DNAH2: variants seen among roughly 807,000 people sequenced by gnomAD.
DNAH2 encodes the protein axonemal beta dynein heavy chain 2.
DNAH2 carries 323 observed loss-of-function variants against 523.5 expected under a neutral mutation model. The observed-to-expected ratio is 0.62, with a 90% CI of 0.56 to 0.68. The LOEUF is 0.68. Among genes scored for constraint, DNAH2 ranks in the 30% least tolerant of loss-of-function variants. The pLI is 0.00. For synonymous variants in DNAH2, 2,093 were observed against 2,177.4 expected (o/e 0.96, Z 1.08); for missense variants, 4,907 against 5,701.5 (o/e 0.86, Z 4.49).
chr17:7,737,819 G>A, intron 8 of DNAH2: 1 of 634,472 alleles, frequency 1.6e-6, no homozygotes, highest in Non-Finnish European at 2.9e-6. Flanking sequence ...GCCTGGCCAG[G>A]GGTGGAGAAC....
intron 63 of DNAH2, among the ~76,000 whole-genome samples, chr17:7,810,300 A>G (rs1226599485): frequency 6.6e-6 from 1 of 152,006 alleles, no homozygotes; most frequent in African/African-American, 2.4e-5. Flanking sequence ...CGTGGGCTCA[A>G]GTGATCCTCC....
At chr17:7,815,285 C>T (rs1449011944) in intron 63 of DNAH2, among the ~76,000 whole-genome samples, 1 of 152,252 alleles carries the variant, frequency 6.6e-6, no homozygotes. Context: ...ACCAGAATTA[C>T]TCAGTTAAGG....
rs1419359942 is a variant in DNAH2, at chr17:7,800,865, TC to T, written c.8700-712del. Among the ~76,000 whole-genome samples the T allele has an allele frequency of 4.1e-3, 581 of 142,350 alleles. 5 individuals carry two copies. Among genetic ancestry groups the T allele is most frequent in the African/African-American group, 0.015 (565 of 38,292 alleles). 93.4% of individuals were successfully genotyped at this position (142,350 alleles called of 152,430 possible). On this transcript the variant is annotated intron_variant, in intron 56 of 85. Transcript: ENST00000572933. ...CTGGGCGAGAGTGAAAGACTCCGTC[TC>T]AAAAAAAAAAAAAAATTTTTTTTTG...
At position 7,768,220 on chromosome 17, in the gene DNAH2, G is replaced by A; in HGVS notation, c.3894G>A (p.Arg1298=). The A allele has an allele frequency of 6.2e-7, 1 of 1,614,144 alleles. No homozygotes were observed. Among genetic ancestry groups the A allele is most frequent in the Non-Finnish European group, 8.5e-7 (1 of 1,180,034 alleles). Residue 1298 remains arginine, a synonymous_variant, in exon 24 of 86, where the codon AGG becomes AGA. Coordinates refer to ENST00000572933, the MANE Select transcript of DNAH2 (RefSeq NM_020877.5). The stretch of plus-strand genomic sequence containing the variant: ...GCTCAAAAATAGAGCAGTTCAAGAG[G>A]ACCATGCCTCTCATCTCAGACCTGC... ...TTRSKIEQFK[R]TMPLISDLRN...
Position 7,767,842 on chromosome 17 carries a change from C to A in DNAH2, c.3676-58C>A, listed in dbSNP as rs191600506. On this transcript the variant is annotated intron_variant, in intron 22 of 85. Coordinates refer to ENST00000572933, the MANE Select transcript of DNAH2 (RefSeq NM_020877.5). ...CGAGAGCAGCGAAGGGCCTGGGCGT[C>A]CGTCAGGGAGGAAGAGGGCAGGTGC... 1.4e-4 allele frequency: 225 copies of A among 1,608,136 alleles called. 1 individual carries two copies. In the African/African-American group the frequency reaches 2.3e-3, roughly 16 times the overall value.
At chr17:7,777,144 GAAAGAAAAGA>G (rs781303427) in intron 32 of DNAH2, among the ~76,000 whole-genome samples, 1 of 149,452 alleles carries the variant, frequency 6.7e-6, no homozygotes, top group Non-Finnish European at 1.5e-5. Context: ...AAAAAAAAAA[GAAAGAAAAGA>G]AAAGAAAAGA....
At chr17:7,764,555 G>C (rs1300169089) in intron 20 of DNAH2, among the ~76,000 whole-genome samples, 1 of 151,204 alleles carries the variant, frequency 6.6e-6, no homozygotes, top group Non-Finnish European at 1.5e-5. Context: ...CTGCCTCCCA[G>C]GCTCAAGTGA....
intron 63 of DNAH2, among the ~76,000 whole-genome samples, chr17:7,810,321 T>G (rs1490653931): frequency 6.6e-6 from 1 of 152,140 alleles, no homozygotes; most frequent in African/African-American, 2.4e-5. Context: ...TGCCTTGGCC[T>G]CCCAAGTTGC....
At chr17:7,771,852 G>A (rs2076325866) in intron 28 of DNAH2, among the ~76,000 whole-genome samples, 1 of 152,022 alleles carries the variant, frequency 6.6e-6, no homozygotes, top group Non-Finnish European at 1.5e-5. Context: ...AAGTAGCTGG[G>A]AATACAAGCG....
intron 63 of DNAH2, among the ~76,000 whole-genome samples, chr17:7,814,985 T>C (rs1597746987): frequency 6.6e-6 from 1 of 152,228 alleles, no homozygotes; most frequent in African/African-American, 2.4e-5. Context: ...TGTCTTTCTT[T>C]CTTTTTGAGA....
At chr17:7,794,596 A>T (rs1298960930) in intron 49 of DNAH2, among the ~76,000 whole-genome samples, 1 of 152,176 alleles carries the variant, frequency 6.6e-6, no homozygotes, top group East Asian at 1.9e-4. Context: ...GGCAGAGAAC[A>T]CAGTGAAGCC....
Position 7,738,191 on chromosome 17 carries a change from C to T in DNAH2, c.1170+933C>T, listed in dbSNP as rs2075198592. ...AGCCCTGTAAGAGGGTAGATTCTGA[C>T]TTCTTTCCTGTACACTTTGTTTAGC... is the stretch of plus-strand genomic sequence containing the variant. On this transcript the variant is annotated intron_variant, in intron 8 of 85. Coordinates refer to ENST00000572933, the MANE Select transcript of DNAH2 (RefSeq NM_020877.5). 4.4e-6 allele frequency: 3 copies of T among 688,096 alleles called. No individual in the cohort carries two copies. The South Asian group carries it at 4.6e-5, about 10-fold the overall frequency. 42.6% of individuals were successfully genotyped at this position (688,096 alleles called of 1,614,324 possible). A position where few individuals can be genotyped will look rare whatever the true frequency, so the allele number is the denominator to read the frequency against.
intron 28 of DNAH2, among the ~76,000 whole-genome samples, chr17:7,772,745 A>G (rs539169766): frequency 7.3e-6 from 1 of 136,806 alleles, no homozygotes; most frequent in Admixed American, 7.7e-5. Flanking sequence ...TACTACTCAC[A>G]TTGGTTTTTT....
chr17:7,806,953 C>T (rs189023786), intron 61 of DNAH2, among the ~76,000 whole-genome samples, 197 bp from the exon 62 acceptor site: 28 of 152,176 alleles, frequency 1.8e-4, no homozygotes, highest in Admixed American at 1.4e-3. Flanking sequence ...GGAAGATTGT[C>T]GAGGACCTTG....
chr17:7,744,051 G>C (rs973086804), intron 12 of DNAH2: 3 of 152,076 alleles, frequency 2.0e-5, no homozygotes, highest in African/African-American at 7.2e-5. Flanking sequence ...ATGCTTTGAG[G>C]CTGTGGCTAC....
chr17:7,816,506 A>T, intron 63 of DNAH2, 65 bp from the exon 64 acceptor site: 1 of 1,579,376 alleles, frequency 6.3e-7, no homozygotes, highest in Middle Eastern at 1.7e-4. Flanking sequence ...CAGAGTCATG[A>T]TGTGAACAAG....
rs754390103 is a variant in DNAH2 at position 7,823,609 on chromosome 17, G to A, written c.11310G>A (p.Pro3770=). The stretch of plus-strand genomic sequence containing the variant: ...ACCTGTGGTATACCAATGCTGCCCC[G>A]GAGAAGGCGATGCTGCCAGGTACCA... ...DWHLWYTNAA[P]EKAMLPGEWE... is the part of the protein sequence containing the mutation. The change falls in exon 74 of 86, where the codon CCG becomes CCA. Residue 3770 remains proline, a synonymous_variant. Transcript: ENST00000572933. 20 of 1,613,958 alleles carry A rather than the reference G, an allele frequency of 1.2e-5. No individual in the cohort carries two copies. Among genetic ancestry groups the A allele is most frequent in the South Asian group, 3.3e-5 (3 of 91,056 alleles).
In DNAH2 at chr17:7,733,110, C is replaced by T; in HGVS notation, c.423C>T (p.Phe141=). 1.2e-6 allele frequency: 2 copies of T among 1,614,196 alleles called. No individual in the cohort carries two copies. Among genetic ancestry groups the T allele is most frequent in the South Asian group, 2.2e-5 (2 of 91,070 alleles). The change falls in exon 5 of 86, where the codon TTC becomes TTT. Residue 141 remains phenylalanine, a synonymous_variant. Coordinates refer to ENST00000572933, the MANE Select transcript of DNAH2 (RefSeq NM_020877.5). Reference sequence around the variant, plus strand: ...AGACCCAGAACCAGCTTGTCTACTTCATTCGCCAAGCACCAGTTCCCATCA... The same window carrying T: ...AGACCCAGAACCAGCTTGTCTACTTTATTCGCCAAGCACCAGTTCCCATCA... The part of the protein sequence containing the change: ...PVQTQNQLVY[F]IRQAPVPITW...
chr17:7,757,371 T>A (rs2075874054), intron 13 of DNAH2, 134 bp downstream of exon 13: 98 of 935,358 alleles, frequency 1.0e-4, no homozygotes, highest in Middle Eastern at 6.6e-4. Flanking sequence ...AAAAAAAAAA[T>A]TGTCTCCCAC....
Sources: allele counts gnomAD v4.1 joint callset (sites outside exome capture counted in the v4.1 genomes callset), GRCh38; gene constraint gnomAD v4.1.1; transcripts MANE v1.5; gene names NCBI Gene and HGNC (gene_info 2026-07-23, HGNC 2026-07-21).